ULK2: variants seen among roughly 807,000 people sequenced by gnomAD.
ULK2 encodes the protein serine/threonine-protein kinase ULK2.
In ULK2, 76 loss-of-function variants were observed where a neutral mutation model predicts 127.5. That is an observed-to-expected ratio of 0.60 (90% CI 0.50 to 0.72). The LOEUF (loss-of-function observed/expected upper bound fraction) is 0.72, where lower values mean the gene tolerates loss of function less well. Ranked by LOEUF, ULK2 falls within the 30% of genes least tolerant of loss-of-function variation. ULK2 has a pLI of 0.00. For missense variants in ULK2, 1,144 were observed against 1,295.9 expected, an observed-to-expected ratio of 0.88 and a Z score of 1.80; for synonymous variants, 452 against 461.9, an observed-to-expected ratio of 0.98 and a Z score of 0.28.
At chr17:19,846,534 G>A (rs1395465686) in intron 6 of ULK2, among the ~76,000 whole-genome samples, 1 of 151,816 alleles carries the variant, frequency 6.6e-6, no homozygotes, top group African/African-American at 2.4e-5. Flanking sequence ...CAACTACTCA[G>A]GAGGCTGAAG....
chr17:19,820,956 C>G (rs2041126856), intron 12 of ULK2, among the ~76,000 whole-genome samples: 1 of 152,174 alleles, frequency 6.6e-6, no homozygotes, highest in Non-Finnish European at 1.5e-5. Context: ...CTGGTCATCT[C>G]ATTCATTAGT....
intron 10 of ULK2, among the ~76,000 whole-genome samples, chr17:19,828,539 T>G (rs2041351767): frequency 6.6e-6 from 1 of 152,160 alleles, no homozygotes; most frequent in Admixed American, 6.5e-5. Flanking sequence ...ATTCAGTAAC[T>G]TTAGATGTTA....
At position 19,826,286 on chromosome 17, in the gene ULK2, C is replaced by A; in HGVS notation, c.788-100G>T. 5 of 616,492 alleles carry A rather than the reference C, an allele frequency of 8.1e-6. No individual in the cohort carries two copies. In the South Asian group the frequency reaches 1.0e-4, roughly 13 times the overall value. The allele number at this position is 616,492 out of a possible 1,614,324, so 38.2% of individuals were successfully genotyped here. On this transcript the variant is annotated intron_variant, in intron 10 of 26. Coordinates refer to ENST00000395544, the MANE Select transcript of ULK2 (RefSeq NM_014683.4). ...GTATTCAATATAATGTCTTTGAGAT[C>A]AGAATTTAACTTCTTTATATAGGCT...
At chr17:19,807,848 C>T (rs2087546872) in intron 14 of ULK2, among the ~76,000 whole-genome samples, 2 of 152,096 alleles carry the variant, frequency 1.3e-5, no homozygotes, top group Middle Eastern at 3.2e-3. Flanking sequence ...TAGAGTACAT[C>T]AAATTGTTTA....
At chr17:19,822,901 C>T (rs866455354) in intron 12 of ULK2, among the ~76,000 whole-genome samples, 3 of 151,450 alleles carry the variant, frequency 2.0e-5, no homozygotes, top group South Asian at 4.2e-4. Flanking sequence ...TTAGCCAGGA[C>T]GGTCTTGATA....
intron 15 of ULK2, among the ~76,000 whole-genome samples, chr17:19,802,383 C>T (rs2087419336): frequency 6.6e-6 from 1 of 151,954 alleles, no homozygotes; most frequent in Non-Finnish European, 1.5e-5. Context: ...CAAAATTAAG[C>T]TGAGAATTTT....
intron 3 of ULK2, among the ~76,000 whole-genome samples, chr17:19,861,268 C>T (rs1030677392): frequency 3.3e-5 from 5 of 152,202 alleles, no homozygotes; most frequent in Admixed American, 6.5e-5. Flanking sequence ...TAAGCAAGGC[C>T]GGGCGCGGTG....
At chr17:19,838,373 C>T (rs540493185) in intron 10 of ULK2, 128 bp downstream of exon 10, 1 of 774,520 alleles carries the variant, frequency 1.3e-6, no homozygotes, top group African/African-American at 1.8e-5. Flanking sequence ...TTTACGAAAC[C>T]AGTGAAGGAA....
chr17:19,795,908 T>C (rs752051913), intron 19 of ULK2, among the ~76,000 whole-genome samples, 183 bp from the exon 20 acceptor site: 1 of 152,238 alleles, frequency 6.6e-6, no homozygotes, highest in Non-Finnish European at 1.5e-5. Context: ...GGAAGAACTA[T>C]GTACTTACAT....
intron 6 of ULK2, among the ~76,000 whole-genome samples, chr17:19,846,323 A>T (rs1369596026): frequency 1.3e-5 from 2 of 151,992 alleles, no homozygotes; most frequent in African/African-American, 4.8e-5. Context: ...GATCTCAATA[A>T]AAATATCAGA....
chr17:19,841,855 C>T (rs1012061480), intron 8 of ULK2, among the ~76,000 whole-genome samples: 5 of 152,076 alleles, frequency 3.3e-5, no homozygotes, highest in African/African-American at 1.2e-4. Flanking sequence ...CTGAGTATAA[C>T]GTACCTTTTC....
chr17:19,783,256 G>A (rs929418241), intron 22 of ULK2, among the ~76,000 whole-genome samples: 3 of 151,850 alleles, frequency 2.0e-5, no homozygotes, highest in African/African-American at 7.3e-5. Flanking sequence ...TTCGAGACCC[G>A]CCTGGCCAAC....
At chr17:19,813,564 G>A (rs2040894494) in intron 13 of ULK2, among the ~76,000 whole-genome samples, 1 of 152,078 alleles carries the variant, frequency 6.6e-6, no homozygotes, top group Non-Finnish European at 1.5e-5. Flanking sequence ...TTTCACAATA[G>A]CACATTTTTA....
chr17:19,797,757 A>T, intron 17 of ULK2, 75 bp from the exon 18 acceptor site: 2 of 1,276,004 alleles, frequency 1.6e-6, no homozygotes, highest in Non-Finnish European at 2.1e-6. Flanking sequence ...TAAGAAGACA[A>T]TTTTTAAAAT....
intron 12 of ULK2, among the ~76,000 whole-genome samples, chr17:19,818,618 C>T (rs1370086321): frequency 6.6e-6 from 1 of 152,032 alleles, no homozygotes; most frequent in East Asian, 1.9e-4. Flanking sequence ...GCTCTGCATT[C>T]CATGCTCCTC....
chr17:19,834,399 T>C (rs1349208563), intron 10 of ULK2, among the ~76,000 whole-genome samples: 1 of 151,890 alleles, frequency 6.6e-6, no homozygotes, highest in Non-Finnish European at 1.5e-5. Context: ...AAAATAATTA[T>C]AAAATTGTAC....
chr17:19,866,327 C>T (rs1388837305), intron 1 of ULK2, among the ~76,000 whole-genome samples: 1 of 151,390 alleles, frequency 6.6e-6, no homozygotes, highest in African/African-American at 2.4e-5. Flanking sequence ...TGGTGAAACC[C>T]CATCTCTACT....
At chr17:19,796,533 T>TA (rs1231976262) in intron 18 of ULK2, among the ~76,000 whole-genome samples, 1 of 152,144 alleles carries the variant, frequency 6.6e-6, no homozygotes, top group Non-Finnish European at 1.5e-5. Context: ...CAAGGGGATG[T>TA]AAAAAAACTG....
intron 17 of ULK2, among the ~76,000 whole-genome samples, chr17:19,799,180 A>C (rs1482427523): frequency 6.6e-6 from 1 of 151,484 alleles, no homozygotes; most frequent in Non-Finnish European, 1.5e-5. Flanking sequence ...AAAAAAAAGT[A>C]TTATTAATCA....
Sources: gnomAD v4.1 joint callset for allele counts (sites outside exome capture counted in the v4.1 genomes callset) on GRCh38, gnomAD v4.1.1 for gene constraint, MANE v1.5 for transcripts, NCBI Gene and HGNC (gene_info 2026-07-23, HGNC 2026-07-21) for gene names.